SYTL3: variants seen among roughly 807,000 people sequenced by gnomAD.
SYTL3 encodes synaptotagmin-like protein 3.
A neutral mutation model predicts 82.1 loss-of-function variants in SYTL3; 88 were observed. The ratio of observed to expected loss-of-function variants is 1.07; its 90% CI spans 0.90 to 1.28. The LOEUF is 1.28. Among genes scored for constraint, SYTL3 ranks in the 50% most tolerant of loss-of-function variants. SYTL3 has a pLI of 0.00. For synonymous variants in SYTL3, 311 were observed against 289.4 expected (o/e 1.07, Z -0.76); for missense variants, 831 against 757.6 (o/e 1.10, Z -1.14).
upstream of SYTL3, among the ~76,000 whole-genome samples, chr6:158,645,343 A>C (rs1483542803): frequency 6.6e-6 from 1 of 152,202 alleles, no homozygotes; most frequent in Admixed American, 6.5e-5. Context: ...TGAACTAGAC[A>C]GACTTTATTT....
At chr6:158,760,410 G>A (rs1216121638) in intron 14 of SYTL3, among the ~76,000 whole-genome samples, 1 of 152,198 alleles carries the variant, frequency 6.6e-6, no homozygotes, top group East Asian at 1.9e-4. Flanking sequence ...ATCTGGCTCT[G>A]GTTCGCTGGG....
At chr6:158,759,569 G>T (rs1417240428) in intron 14 of SYTL3, among the ~76,000 whole-genome samples, 1 of 152,208 alleles carries the variant, frequency 6.6e-6, no homozygotes, top group African/African-American at 2.4e-5. Flanking sequence ...GTTTTGCTCT[G>T]TCGTCCAGGC....
chr6:158,749,390 G>GA (rs1167978441), intron 12 of SYTL3, among the ~76,000 whole-genome samples: 14,447 of 51,838 alleles, frequency 0.28, 1,798 homozygotes, highest in African/African-American at 0.31. Context: ...GACTCTGTCT[G>GA]AAAAAAAAAA....
At chr6:158,674,026 A>G (rs966993024) in intron 5 of SYTL3, among the ~76,000 whole-genome samples, 1 of 150,358 alleles carries the variant, frequency 6.7e-6, no homozygotes, top group Non-Finnish European at 1.5e-5. Context: ...GGAGGTTGCA[A>G]TGAGCCGAGA....
chr6:158,759,800 G>T (rs1400090978), intron 14 of SYTL3, among the ~76,000 whole-genome samples: 3 of 152,106 alleles, frequency 2.0e-5, no homozygotes, highest in Non-Finnish European at 4.4e-5. Context: ...CAAAGTGCTG[G>T]GATTACAGGC....
intron 11 of SYTL3, among the ~76,000 whole-genome samples, chr6:158,731,308 A>G (rs369379479): frequency 4.0e-5 from 6 of 151,858 alleles, no homozygotes; most frequent in African/African-American, 4.8e-5. Flanking sequence ...CAAAAAAACT[A>G]AAAGTCTTTT....
intron 6 of SYTL3, among the ~76,000 whole-genome samples, chr6:158,688,800 T>A (rs998431773): frequency 2.0e-5 from 3 of 152,212 alleles, no homozygotes; most frequent in Admixed American, 6.5e-5. Flanking sequence ...TATACACACA[T>A]ATACATAGAC....
chr6:158,751,952 C>G lies in SYTL3; in HGVS notation c.1059C>G (p.Pro353=). 1 of 1,599,594 alleles carries G rather than the reference C, an allele frequency of 6.3e-7. No individual in the cohort carries two copies. Among genetic ancestry groups the G allele is most frequent in the Non-Finnish European group, 8.5e-7 (1 of 1,173,568 alleles). The change falls in exon 13 of 18, where the codon CCC becomes CCG. Residue 353 remains proline (P), a synonymous_variant. Transcript: ENST00000611299. ...CNPYVKTYLL[P]DRSSQGKRKT... is the part of the protein sequence containing the mutation. ...GGTATGTGAAGACCTACCTGTTGCC[C>G]GACAGATCCTCCCAGGGAAAGCGCA...
At chr6:158,644,966 G>A in the SYTL3 span, among the ~76,000 whole-genome samples, 1 of 152,218 alleles carries the variant, frequency 6.6e-6, no homozygotes, top group Non-Finnish European at 1.5e-5. Context: ...AGGGTAGCCG[G>A]GCAGCTCCCT....
Position 158,745,609 on chromosome 6 carries a change from G to A in SYTL3, c.985G>A (p.Ala329Thr), listed in dbSNP as rs756252798. The A allele has an allele frequency of 6.2e-7, 1 of 1,612,836 alleles. No homozygotes were observed. Among genetic ancestry groups the A allele is most frequent in the Non-Finnish European group, 8.5e-7 (1 of 1,179,722 alleles). ...KTHSLEICIKACKNLAYGEEK... is the reference protein window; with the variant it reads ...KTHSLEICIKTCKNLAYGEEK... ...CCATTCTTTAGAAATATGCATCAAG[G>A]CCTGTAAGAACCTTGCCTATGGAGA... The change falls in exon 12 of 18, where the codon GCC (alanine) becomes ACC (threonine). Residue 329 changes from alanine to threonine, a missense_variant. Transcript: ENST00000611299.
In SYTL3 at chr6:158,745,502, G is replaced by A. The variant is rs139924802; in HGVS notation, c.878G>A (p.Ser293Asn). 2.5e-6 allele frequency: 4 copies of A among 1,610,680 alleles called. No individual in the cohort carries two copies. Among genetic ancestry groups the A allele is most frequent in the Non-Finnish European group, 2.5e-6 (3 of 1,179,234 alleles). ...CAGGGAAGTTTAATTAGCATTGACA[G>A]CACCTGTACAGAGATGGGCAATTTT... is the stretch of plus-strand genomic sequence containing the variant. ...FRHGSLISID[S>N]TCTEMGNFDN... The change falls in exon 12 of 18, where the codon AGC becomes AAC. Residue 293 changes from serine to asparagine, a missense_variant. Transcript: ENST00000611299.
At chr6:158,693,703 T>G (rs1329438792) in intron 6 of SYTL3, among the ~76,000 whole-genome samples, 1 of 145,800 alleles carries the variant, frequency 6.9e-6, no homozygotes, top group Non-Finnish European at 1.5e-5. Context: ...TTCGTTTTCT[T>G]TCTTTCTTTC....
intron 6 of SYTL3, among the ~76,000 whole-genome samples, chr6:158,692,675 C>T (rs957642374): frequency 6.6e-6 from 1 of 151,210 alleles, no homozygotes; most frequent in Non-Finnish European, 1.5e-5. Flanking sequence ...CGGTGGCTCA[C>T]GCCTGTAATC....
At chr6:158,716,713 A>G (rs898510279) in intron 9 of SYTL3, among the ~76,000 whole-genome samples, 1 of 152,176 alleles carries the variant, frequency 6.6e-6, no homozygotes, top group Non-Finnish European at 1.5e-5. Context: ...GAACGAATAC[A>G]TAGTGAGAGG....
chr6:158,669,313 G>T (rs544507691), intron 5 of SYTL3, among the ~76,000 whole-genome samples: 1 of 147,580 alleles, frequency 6.8e-6, no homozygotes, highest in East Asian at 2.6e-4. Context: ...AATTACTCTT[G>T]TTCAGACTTG....
At chr6:158,662,018 A>G (rs937923330) in intron 3 of SYTL3, among the ~76,000 whole-genome samples, 11 of 152,226 alleles carry the variant, frequency 7.2e-5, no homozygotes, top group African/African-American at 2.7e-4. Context: ...ACCAAAGATT[A>G]AGAAAAAGGT....
chr6:158,648,358 G>T (rs1366157027), upstream of SYTL3, among the ~76,000 whole-genome samples: 2 of 152,074 alleles, frequency 1.3e-5, no homozygotes, highest in Non-Finnish European at 2.9e-5. Context: ...TTGGGAGGCC[G>T]AGGCGGGCGG....
Position 158,692,422 on chromosome 6 carries a change from A to G in SYTL3, c.394+9433A>G, listed in dbSNP as rs957446034. Among the ~76,000 whole-genome samples, 5 of 152,264 alleles carry G rather than the reference A, an allele frequency of 3.3e-5. No homozygotes were observed. The East Asian group carries it at 5.8e-4, about 18-fold the overall frequency. The stretch of plus-strand genomic sequence containing the variant: ...CTGATAATGCTCTCAATGATTCATC[A>G]TGTAACTAACCAGGTTAATTATTGT... On this transcript the variant is annotated intron_variant, in intron 6 of 17. Transcript: ENST00000611299.
chr6:158,734,094 C>CAAAAA (rs560547617), intron 11 of SYTL3, among the ~76,000 whole-genome samples: 28 of 74,452 alleles, frequency 3.8e-4, no homozygotes, highest in African/African-American at 1.1e-3. Flanking sequence ...GACCCTGTCT[C>CAAAAA]AAAAAAAAAA....
Sources: gnomAD v4.1 joint callset for allele counts (sites outside exome capture counted in the v4.1 genomes callset) on GRCh38, gnomAD v4.1.1 for gene constraint, MANE v1.5 for transcripts, NCBI Gene and HGNC (gene_info 2026-07-23, HGNC 2026-07-21) for gene names.